The following CEP83 variants were observed in gnomAD, a reference collection of about 807,000 sequenced individuals.
CEP83 encodes centrosomal protein 83, also known as centrosomal protein of 83 kDa.
Under a neutral mutation model 101.9 loss-of-function variants are expected in CEP83, and 70 were observed. The observed-to-expected ratio is 0.69, with a 90% CI of 0.57 to 0.84. CEP83 has a LOEUF of 0.84. Among genes scored for constraint, CEP83 ranks in the 40% least tolerant of loss-of-function variants. The pLI is 0.00. For missense variants in CEP83, 715 were observed against 787.2 expected, an observed-to-expected ratio of 0.91 and a Z score of 1.10; for synonymous variants, 264 against 267.9, an observed-to-expected ratio of 0.99 and a Z score of 0.14.
chr12:94,317,398 G>A (rs1034898448), intron 14 of CEP83, among the ~76,000 whole-genome samples: 1 of 152,098 alleles, frequency 6.6e-6, no homozygotes, highest in African/African-American at 2.4e-5. Flanking sequence ...CTTTTGCTGT[G>A]CAGAAGCTCT....
At chr12:94,403,523 A>G (rs1397240892) in intron 4 of CEP83, among the ~76,000 whole-genome samples, 2 of 152,242 alleles carry the variant, frequency 1.3e-5, no homozygotes, top group Non-Finnish European at 2.9e-5. Context: ...ATTGTTAGGA[A>G]TAACTATGTT....
chr12:94,395,730 A>G (rs1315098925), intron 6 of CEP83, among the ~76,000 whole-genome samples: 1 of 152,238 alleles, frequency 6.6e-6, no homozygotes, highest in African/African-American at 2.4e-5. Flanking sequence ...CTGAGGCAGG[A>G]GAATGGCATG....
intron 11 of CEP83, among the ~76,000 whole-genome samples, chr12:94,347,442 A>G (rs1196556382): frequency 6.6e-6 from 1 of 152,160 alleles, no homozygotes; most frequent in East Asian, 1.9e-4. Context: ...ATCCTCATAT[A>G]TTGCTAGTTG....
At chr12:94,278,173 A>T in the CEP83 span, 1 of 384,606 alleles carries the variant, frequency 2.6e-6, no homozygotes, top group Non-Finnish European at 5.2e-6. Context: ...AATTCCCATT[A>T]CTTGATCATT....
chr12:94,428,822 G>A (rs2065401186), intron 2 of CEP83, among the ~76,000 whole-genome samples: 1 of 152,146 alleles, frequency 6.6e-6, no homozygotes, highest in Non-Finnish European at 1.5e-5. Flanking sequence ...AGACCATCAA[G>A]TCAAGCACAC....
chr12:94,309,409 G>T (rs374780709), intron 16 of CEP83, among the ~76,000 whole-genome samples: 1 of 152,052 alleles, frequency 6.6e-6, no homozygotes, highest in East Asian at 1.9e-4. Flanking sequence ...CCCGGGTTTT[G>T]GATTCAACAG....
intron 1 of CEP83, among the ~76,000 whole-genome samples, chr12:94,440,028 A>T (rs1381021488): frequency 1.3e-5 from 2 of 152,226 alleles, no homozygotes; most frequent in African/African-American, 4.8e-5. Context: ...CATAGAAGGG[A>T]CATACCTTAA....
chr12:94,420,176 TTGTAG>T (rs1183470971), intron 2 of CEP83, among the ~76,000 whole-genome samples: 2 of 152,064 alleles, frequency 1.3e-5, no homozygotes, highest in African/African-American at 4.8e-5. Flanking sequence ...GAAGCAAAGG[TTGTAG>T]TGTAAACTGG....
At chr12:94,333,273 T>C (rs760086509) in intron 13 of CEP83, among the ~76,000 whole-genome samples, 1 of 152,118 alleles carries the variant, frequency 6.6e-6, no homozygotes, top group Non-Finnish European at 1.5e-5. Flanking sequence ...TTTTAATGTC[T>C]TAATTTTTTT....
chr12:94,320,452 AGTGTGTTTCT>A (rs2058699780), intron 14 of CEP83, among the ~76,000 whole-genome samples: 1 of 150,320 alleles, frequency 6.7e-6, no homozygotes, highest in Non-Finnish European at 1.5e-5. Context: ...TGTGTACTTA[AGTGTGTTTCT>A]GTATTGGCTG....
intron 11 of CEP83, among the ~76,000 whole-genome samples, chr12:94,338,976 T>G (rs912674932): frequency 2.0e-5 from 3 of 152,022 alleles, no homozygotes; most frequent in African/African-American, 7.2e-5. Context: ...TTTTTTTCTT[T>G]TTTTAGAGAT....
At chr12:94,396,645 C>T (rs1185618211) in intron 6 of CEP83, among the ~76,000 whole-genome samples, 1 of 152,004 alleles carries the variant, frequency 6.6e-6, no homozygotes, top group South Asian at 2.1e-4. Flanking sequence ...TTCATATATT[C>T]TTTTTAGTTT....
Position 94,333,646 on chromosome 12 carries a change from A to G in CEP83, c.1420-7T>C, listed in dbSNP as rs2059332220. 1 of 1,608,774 alleles carries G rather than the reference A, an allele frequency of 6.2e-7. No homozygotes were observed. Among genetic ancestry groups the G allele is most frequent in the Non-Finnish European group, 8.5e-7 (1 of 1,178,466 alleles). On this transcript the variant is annotated splice_polypyrimidine_tract_variant and splice_region_variant and intron_variant, in intron 12 of 16. Transcript: ENST00000397809. ...TCTGCAAACTACTGATTTGCTTAAA[A>G]GAGAAGAAAGAAGATAAATTAAAGC...
Position 94,411,741 on chromosome 12 carries a change from C to A in CEP83, c.280G>T (p.Glu94Ter), listed in dbSNP as rs1456118240. The A allele has an allele frequency of 6.2e-7, 1 of 1,610,176 alleles. No individual in the cohort carries two copies. The highest frequency in any genetic ancestry group is 8.5e-7 in the Non-Finnish European group (1 of 1,177,794). ...AAATCTTTAGTTTTCTCTACTAATT[C>A]TCCTCTTAGTTCTTCAAGCAGGAGC... is the stretch of plus-strand genomic sequence containing the variant. ...LQLLLEELRG[E>*]LVEKTKDLEE... is the part of the protein sequence containing the mutation. The change falls in exon 4 of 17, where the codon GAA becomes TAA. Residue 94 changes from glutamate (E) to a stop codon, truncating the protein, a stop_gained. Transcript: ENST00000397809. LOFTEE classifies it high-confidence loss of function.
intron 14 of CEP83, among the ~76,000 whole-genome samples, chr12:94,325,137 A>G (rs900095720): frequency 1.3e-5 from 2 of 150,844 alleles, no homozygotes; most frequent in African/African-American, 4.9e-5. Flanking sequence ...CTGACCACCT[A>G]CATAAAACAG....
chr12:94,415,687 T>C (rs2064212435), intron 2 of CEP83, among the ~76,000 whole-genome samples: 1 of 101,272 alleles, frequency 9.9e-6, no homozygotes, highest in Admixed American at 1.1e-4. Context: ...CTATGGCCAC[T>C]AAATAGTAAG....
At chr12:94,318,418 C>T (rs1003439167) in intron 14 of CEP83, among the ~76,000 whole-genome samples, 2 of 152,124 alleles carry the variant, frequency 1.3e-5, no homozygotes, top group African/African-American at 4.8e-5. Context: ...CTTTCTCTTG[C>T]CTAACTACTC....
At chr12:94,287,091 T>A in the CEP83 span, among the ~76,000 whole-genome samples, 1 of 152,212 alleles carries the variant, frequency 6.6e-6, no homozygotes, top group Non-Finnish European at 1.5e-5. Flanking sequence ...TCAATTAATG[T>A]CCACAAAAAC....
rs537765735 is a variant in CEP83 at position 94,416,786 on chromosome 12, A to AC, written c.-101-4196dup. 1.3e-4 allele frequency among the ~76,000 whole-genome samples: 19 copies of AC among 151,806 alleles called. 1 individual carries two copies. The East Asian group carries it at 3.3e-3, about 26-fold the overall frequency. ...GACCACATGGAAAACCTAAACTTTC[A>AC]CCCCCCACCAAGAGTAACAAAGAGG... On this transcript the variant is annotated intron_variant, in intron 2 of 16. Transcript: ENST00000397809.
Sources: gnomAD v4.1 joint callset for allele counts (sites outside exome capture counted in the v4.1 genomes callset) on GRCh38, gnomAD v4.1.1 for gene constraint, MANE v1.5 for transcripts, NCBI Gene and HGNC (gene_info 2026-07-23, HGNC 2026-07-21) for gene names.